ABCA6: variants seen among roughly 807,000 people sequenced by gnomAD.
The protein encoded by ABCA6 is ATP binding cassette subfamily A member 6.
Under a neutral mutation model 191.2 loss-of-function variants are expected in ABCA6, and 164 were observed. That is an observed-to-expected ratio of 0.86 (90% confidence interval 0.76 to 0.98). The LOEUF is 0.98. Among genes scored for constraint, ABCA6 ranks in the 50% least tolerant of loss-of-function variants. ABCA6 has a pLI of 0.00. For missense variants in ABCA6, 1,958 were observed against 1,894.1 expected (o/e 1.03, Z -0.63); for synonymous variants, 636 against 647.7 (o/e 0.98, Z 0.27).
intron 6 of ABCA6, among the ~76,000 whole-genome samples, chr17:69,130,542 T>C (rs1346981478): frequency 1.3e-5 from 2 of 152,204 alleles, no homozygotes; most frequent in Admixed American, 6.5e-5. Flanking sequence ...TATTTCATTA[T>C]GAGAATATGA....
At chr17:69,138,298 T>C (rs182838419) in intron 2 of ABCA6, among the ~76,000 whole-genome samples, 62 of 152,294 alleles carry the variant, frequency 4.1e-4, no homozygotes, top group Non-Finnish European at 7.5e-4. Context: ...CATTAGACCA[T>C]GAGGAGTTAA....
intron 17 of ABCA6, chr17:69,109,709 T>A (rs926651344): frequency 1.3e-5 from 2 of 152,106 alleles, no homozygotes; most frequent in African/African-American, 4.8e-5. Context: ...AGGACGTGAA[T>A]CATCCCCTGT....
intron 6 of ABCA6, among the ~76,000 whole-genome samples, chr17:69,131,711 T>C (rs2073865243): frequency 6.6e-6 from 1 of 152,210 alleles, no homozygotes; most frequent in Non-Finnish European, 1.5e-5. Context: ...TTTCAGAATC[T>C]TTTTTCTTCT....
intron 23 of ABCA6, among the ~76,000 whole-genome samples, chr17:69,097,617 T>C (rs958233050): frequency 2.6e-5 from 4 of 152,174 alleles, no homozygotes; most frequent in African/African-American, 9.7e-5. Flanking sequence ...TCAACATCAA[T>C]GATTTCCTTC....
chr17:69,125,062 G>T, intron 8 of ABCA6, 27 bp from the exon 9 acceptor site: 1 of 1,168,406 alleles, frequency 8.6e-7, no homozygotes, highest in Non-Finnish European at 1.1e-6. Context: ...AAAAATAAAT[G>T]TTTAAAATAA....
intron 23 of ABCA6, 75 bp from the exon 24 acceptor site, chr17:69,096,876 A>G: frequency 8.2e-7 from 1 of 1,217,808 alleles, no homozygotes; most frequent in Non-Finnish European, 1.1e-6. Context: ...AAACACAAAC[A>G]CATTGGAAGA....
chr17:69,122,309 T>C (rs986076437), intron 10 of ABCA6, among the ~76,000 whole-genome samples: 10 of 152,112 alleles, frequency 6.6e-5, no homozygotes, highest in African/African-American at 2.4e-4. Flanking sequence ...AAACGATTGC[T>C]ATTTAAAGCG....
At chr17:69,080,714 G>A (rs1167637427) in intron 37 of ABCA6, among the ~76,000 whole-genome samples, 1 of 152,168 alleles carries the variant, frequency 6.6e-6, no homozygotes, top group Non-Finnish European at 1.5e-5. Flanking sequence ...AGGAAAGAAA[G>A]GGAGTAAAGT....
chr17:69,129,244 A>G (rs889207525), intron 7 of ABCA6, among the ~76,000 whole-genome samples: 1 of 152,112 alleles, frequency 6.6e-6, no homozygotes, highest in African/African-American at 2.4e-5. Flanking sequence ...GAGGGAGAAG[A>G]GATATTGTGA....
chr17:69,086,820 G>A (rs2072806612), intron 29 of ABCA6, 85 bp from the exon 30 acceptor site: 1 of 818,740 alleles, frequency 1.2e-6, no homozygotes, highest in Middle Eastern at 2.4e-4. Context: ...TATGTCATAA[G>A]CCAAACCATA....
intron 17 of ABCA6, chr17:69,108,614 G>C (rs187358609): frequency 6.6e-6 from 1 of 152,116 alleles, no homozygotes; most frequent in African/African-American, 2.4e-5. Context: ...ACATTTATTG[G>C]GTAACTCTTC....
intron 15 of ABCA6, 109 bp downstream of exon 15, chr17:69,113,113 A>C: frequency 7.6e-7 from 1 of 1,321,808 alleles, no homozygotes; most frequent in Non-Finnish European, 1.0e-6. Flanking sequence ...CTGCTATAGA[A>C]TGTAGGAACA....
In ABCA6 at chr17:69,141,893, T is replaced by G. The variant is rs1343242651; in HGVS notation, c.-194A>C. On this transcript the variant is annotated 5_prime_UTR_variant, in exon 1 of 39. Coordinates refer to ENST00000284425, the MANE Select transcript of ABCA6 (RefSeq NM_080284.3). ...CCAGCAGCTCTTACACAGCCTGGTT[T>G]CTGAAAAGGGGTGTAGCCAGACCAA... 5 of 152,114 alleles carry G rather than the reference T, an allele frequency of 3.3e-5. No individual in the cohort carries two copies. The highest frequency in any genetic ancestry group is 7.4e-5 in the Non-Finnish European group (5 of 68,014). The allele number at this position is 152,114 out of a possible 1,614,324, so 9.4% of individuals were successfully genotyped here. A position where few individuals can be genotyped will look rare whatever the true frequency, so the allele number is the denominator to read the frequency against.
intron 2 of ABCA6, among the ~76,000 whole-genome samples, chr17:69,139,587 T>C (rs1412231975): frequency 6.6e-6 from 1 of 152,102 alleles, no homozygotes; most frequent in Non-Finnish European, 1.5e-5. Context: ...CCCAGCCATC[T>C]CATTACTGGG....
At chr17:69,108,241 G>T (rs1299907268) in intron 17 of ABCA6, 1 of 161,258 alleles carries the variant, frequency 6.2e-6, no homozygotes, top group Non-Finnish European at 1.3e-5. Context: ...GGCTCCAAAA[G>T]AGCCTGTCTC....
intron 26 of ABCA6, among the ~76,000 whole-genome samples, chr17:69,090,523 A>G (rs2072900439): frequency 6.6e-6 from 1 of 152,224 alleles, no homozygotes; most frequent in Admixed American, 6.5e-5. Context: ...AGAACACACC[A>G]GCTGTGCCTT....
rs776012885 is a variant in ABCA6, at chr17:69,082,866, G to T, written c.4616+7C>A. 8 of 1,614,030 alleles carry T rather than the reference G, an allele frequency of 5.0e-6. No individual in the cohort carries two copies. Among genetic ancestry groups the T allele is most frequent in the South Asian group, 4.4e-5 (4 of 91,052 alleles). ...CATATTTCTCCATAATCAAAAGCCC[G>T]TCTCACCTTTCCTGCCCTGCAGCCT... On this transcript the variant is annotated splice_region_variant and intron_variant, in intron 36 of 38. Coordinates refer to ENST00000284425, the MANE Select transcript of ABCA6 (RefSeq NM_080284.3).
rs1202208259 is a variant in ABCA6 at position 69,087,548 on chromosome 17, G to A, written c.3699-75C>T. The stretch of plus-strand genomic sequence containing the variant: ...ATGTGTCAAAAATCAGCATTCCTGT[G>A]ATTTTACTACTGTCCTCTTCTCTAA... On this transcript the variant is annotated intron_variant, in intron 28 of 38. Coordinates refer to ENST00000284425, the MANE Select transcript of ABCA6 (RefSeq NM_080284.3). 8 of 1,565,316 alleles carry A rather than the reference G, an allele frequency of 5.1e-6. No homozygotes were observed. In the Admixed American group the frequency reaches 1.4e-4, roughly 27 times the overall value.
chr17:69,138,801 A>G (rs1026692028), intron 2 of ABCA6, among the ~76,000 whole-genome samples: 14 of 149,542 alleles, frequency 9.4e-5, no homozygotes, highest in Non-Finnish European at 1.9e-4. Context: ...GCATATCTAC[A>G]ACTATCTGAT....
Sources: allele counts gnomAD v4.1 joint callset (sites outside exome capture counted in the v4.1 genomes callset), GRCh38; gene constraint gnomAD v4.1.1; transcripts MANE v1.5; gene names NCBI Gene and HGNC (gene_info 2026-07-23, HGNC 2026-07-21).